The following POC1A variants were observed in gnomAD, a reference collection of about 807,000 sequenced individuals.
The protein encoded by POC1A is POC1 centriolar protein A, also known as POC1 centriolar protein homolog A.
Under a neutral mutation model 47.8 loss-of-function variants are expected in POC1A, and 34 were observed. That is an observed-to-expected ratio of 0.71 (90% confidence interval 0.54 to 0.95). The LOEUF is 0.95. Among genes scored for constraint, POC1A ranks in the 40% least tolerant of loss-of-function variants. POC1A has a pLI of 0.00. For synonymous variants in POC1A, 177 were observed against 207.6 expected (o/e 0.85, Z 1.27); for missense variants, 466 against 528.3 (o/e 0.88, Z 1.16).
Position 52,122,584 on chromosome 3 carries a change from G to C in POC1A, c.883-107C>G, listed in dbSNP as rs1486378450. 15 of 732,304 alleles carry C rather than the reference G, an allele frequency of 2.0e-5. No individual in the cohort carries two copies. The Admixed American group carries it at 2.4e-4, about 12-fold the overall frequency. 45.4% of individuals were successfully genotyped at this position (732,304 alleles called of 1,614,324 possible). On this transcript the variant is annotated intron_variant, in intron 8 of 10. Coordinates refer to ENST00000296484, the MANE Select transcript of POC1A (RefSeq NM_015426.5). ...CATGCCCAAAGTTCTGAGCCATGGT[G>C]GGATAGTGGTCCCCACCTGACACCC... is the stretch of plus-strand genomic sequence containing the variant.
In POC1A at chr3:52,090,753, C is replaced by T. The variant is rs1264013533; in HGVS notation, c.1125+5816G>A. Among the ~76,000 whole-genome samples, 1 of 152,194 alleles carries T rather than the reference C, an allele frequency of 6.6e-6. No homozygotes were observed. The highest frequency in any genetic ancestry group is 2.4e-5 in the African/African-American group (1 of 41,436). On this transcript the variant is annotated intron_variant, in intron 10 of 10. Coordinates refer to ENST00000296484, the MANE Select transcript of POC1A (RefSeq NM_015426.5). The surrounding 1 kb of genome is among the most constrained non-coding windows in gnomAD (Gnocchi z 4.2). The stretch of plus-strand genomic sequence containing the variant: ...ACAGTACCAGGGTCAGGCCCAGGGC[C>T]TCTGCTTGCACACCTACTGAGCGCC...
rs754746734 is a variant in POC1A at position 52,145,961 on chromosome 3, G to A, written c.564C>T (p.Gly188=). The A allele has an allele frequency of 1.2e-6, 2 of 1,600,372 alleles. No homozygotes were observed. Among genetic ancestry groups the A allele is most frequent in the East Asian group, 2.2e-5 (1 of 44,810 alleles). Reference sequence around the variant, plus strand: ...GGTGGAAGTCCACATAGGTGACAAAGCTGGAAAGACAGGGGCCACTATGCA... The same window carrying A: ...GGTGGAAGTCCACATAGGTGACAAAACTGGAAAGACAGGGGCCACTATGCA... ...ECVHSYCEHG[G]FVTYVDFHPS... The change falls in exon 6 of 11, where the codon GGC becomes GGT. Residue 188 remains glycine (G), a splice_region_variant and synonymous_variant. Transcript: ENST00000296484.
chr3:52,107,598 C>T (rs1703233266), intron 9 of POC1A, among the ~76,000 whole-genome samples: 1 of 152,240 alleles, frequency 6.6e-6, no homozygotes, highest in Non-Finnish European at 1.5e-5. Context: ...GGGTTACCTA[C>T]CCAATACCTG....
At chr3:52,126,307 G>A (rs1703998118) in intron 7 of POC1A, among the ~76,000 whole-genome samples, 1 of 152,188 alleles carries the variant, frequency 6.6e-6, no homozygotes, top group South Asian at 2.1e-4. Context: ...GAGGGAAAAG[G>A]GACCTCGAGG....
intron 10 of POC1A, among the ~76,000 whole-genome samples, chr3:52,092,028 G>C (rs1702660730): frequency 6.6e-6 from 1 of 152,218 alleles, no homozygotes; most frequent in African/African-American, 2.4e-5. Flanking sequence ...AGGAACAGTT[G>C]CTCCCCACAG....
intron 10 of POC1A, among the ~76,000 whole-genome samples, chr3:52,078,475 C>G (rs1271819114): frequency 6.7e-6 from 1 of 150,236 alleles, no homozygotes; most frequent in Admixed American, 6.6e-5. Context: ...AATGGTGACT[C>G]CTCATAGACA....
rs552880367 is a variant in POC1A, at chr3:52,109,307, A to AT, written c.982-12596dup. ...TGGAGTAAAAAATGATATATCTGGGATTTTTAAAACCACTCAAACTCTTCT... is the reference window on the plus strand; with the variant it reads ...TGGAGTAAAAAATGATATATCTGGGATTTTTTAAAACCACTCAAACTCTTCT... On this transcript the variant is annotated intron_variant, in intron 9 of 10. Coordinates refer to ENST00000296484, the MANE Select transcript of POC1A (RefSeq NM_015426.5). 1.8e-4 allele frequency among the ~76,000 whole-genome samples: 28 copies of AT among 152,232 alleles called. No individual in the cohort carries two copies. In the South Asian group the frequency reaches 5.6e-3, roughly 30 times the overall value.
chr3:52,153,460 T>A lies in POC1A; in HGVS notation c.18+895A>T, dbSNP rs375400182. Among the ~76,000 whole-genome samples, 9 of 152,346 alleles carry A rather than the reference T, an allele frequency of 5.9e-5. No homozygotes were observed. In the South Asian group the frequency reaches 1.2e-3, roughly 21 times the overall value. ...TGCCCAGCTCCACCCCTAACGCACC[T>A]GTCAGAGTCTCCTTTCAACAACAGA... On this transcript the variant is annotated intron_variant, in intron 1 of 10. Transcript: ENST00000296484.
intron 9 of POC1A, among the ~76,000 whole-genome samples, chr3:52,101,182 C>T (rs995213161): frequency 4.0e-5 from 6 of 151,716 alleles, no homozygotes; most frequent in African/African-American, 1.5e-4. Context: ...AAAAAGCATG[C>T]CCCTCTGAGG....
At chr3:52,137,925 A>G (rs1704534527) in intron 7 of POC1A, among the ~76,000 whole-genome samples, 1 of 152,208 alleles carries the variant, frequency 6.6e-6, no homozygotes, top group Non-Finnish European at 1.5e-5. Context: ...TCAGGCCCCT[A>G]AGGGGCGGCT....
chr3:52,086,529 T>A (rs1038474301), intron 10 of POC1A, among the ~76,000 whole-genome samples: 1 of 152,252 alleles, frequency 6.6e-6, no homozygotes, highest in Non-Finnish European at 1.5e-5. Flanking sequence ...CTGCGTTGTA[T>A]CCTGCCAACT....
rs989107474 is a variant in POC1A at position 52,126,150 on chromosome 3, G to A, written c.814-969C>T. Among the ~76,000 whole-genome samples, 7 of 152,178 alleles carry A rather than the reference G, an allele frequency of 4.6e-5. No homozygotes were observed. The East Asian group carries it at 1.3e-3, about 29-fold the overall frequency. Reference sequence around the variant, plus strand: ...AGCCACTGTCACCAAGTCCACCTCAGTCCCCCCAGACCAGTGCAGGGAGCG... The same window carrying A: ...AGCCACTGTCACCAAGTCCACCTCAATCCCCCCAGACCAGTGCAGGGAGCG... On this transcript the variant is annotated intron_variant, in intron 7 of 10. Transcript: ENST00000296484.
At chr3:52,124,437 T>C (rs2107101842) in intron 8 of POC1A, among the ~76,000 whole-genome samples, 1 of 152,122 alleles carries the variant, frequency 6.6e-6, no homozygotes, top group East Asian at 1.9e-4. Context: ...GAGCAGAGGG[T>C]GACAAGGTGG....
chr3:52,087,676 G>C (rs1702506917), intron 10 of POC1A, among the ~76,000 whole-genome samples: 2 of 152,234 alleles, frequency 1.3e-5, no homozygotes, highest in Non-Finnish European at 2.9e-5. Context: ...CCTTTTAAAT[G>C]AACACAGCTC....
intron 9 of POC1A, among the ~76,000 whole-genome samples, chr3:52,119,694 C>G (rs1242200053): frequency 2.6e-5 from 4 of 152,112 alleles, no homozygotes; most frequent in Admixed American, 2.0e-4. Flanking sequence ...CCATGCCTGG[C>G]CTAGAAGACA....
chr3:52,096,692 G>A lies in POC1A; in HGVS notation c.1002C>T (p.Val334=), dbSNP rs573762556. The change falls in exon 10 of 11, where the codon GTC becomes GTT. Residue 334 remains valine (V), a synonymous_variant. Transcript: ENST00000296484. ...MGNLPEVDFP[V]PPGRGRSVES... Reference sequence around the variant, plus strand: ...CCACACTCCTGCCTCTGCCTGGGGGGACAGGGAAGTCCACTTCTGGCTAAA... The same window carrying A: ...CCACACTCCTGCCTCTGCCTGGGGGAACAGGGAAGTCCACTTCTGGCTAAA... The A allele has an allele frequency of 1.9e-6, 3 of 1,596,916 alleles. No homozygotes were observed. The highest frequency in any genetic ancestry group is 2.6e-6 in the Non-Finnish European group (3 of 1,174,172).
intron 9 of POC1A, among the ~76,000 whole-genome samples, chr3:52,098,217 G>T (rs749452906): frequency 1.1e-4 from 17 of 152,138 alleles, no homozygotes; most frequent in Non-Finnish European, 2.5e-4. Context: ...CCTTCCAGAG[G>T]ACCCCCTAGC....
chr3:52,120,127 G>A (rs1703721352), intron 9 of POC1A, among the ~76,000 whole-genome samples: 1 of 152,198 alleles, frequency 6.6e-6, no homozygotes, highest in African/African-American at 2.4e-5. Flanking sequence ...ATAAAAAGTA[G>A]CTCTCCTCAG....
At chr3:52,147,144 G>A in intron 4 of POC1A, 49 bp from the exon 5 acceptor site, 1 of 1,390,860 alleles carries the variant, frequency 7.2e-7, no homozygotes, top group Non-Finnish European at 1.0e-6. Context: ...AGACGACATG[G>A]GCACCACACA....
Sources: allele counts gnomAD v4.1 joint callset (sites outside exome capture counted in the v4.1 genomes callset), GRCh38; gene constraint gnomAD v4.1.1; non-coding constraint Gnocchi (gnomAD v3.1); transcripts MANE v1.5; gene names NCBI Gene and HGNC (gene_info 2026-07-23, HGNC 2026-07-21).